CDH2: variants seen among roughly 807,000 people sequenced by gnomAD.
CDH2 encodes the protein cadherin 2, also known as cadherin-2.
CDH2 carries 17 observed loss-of-function variants against 92.0 expected under a neutral mutation model. The ratio of observed to expected loss-of-function variants is 0.18; its 90% CI spans 0.13 to 0.28. The LOEUF is 0.28. CDH2 is among the 10% of genes least tolerant of loss of function. The pLI, the probability that CDH2 is intolerant of heterozygous loss-of-function variation, is 1.00. For synonymous variants in CDH2, 419 were observed against 415.9 expected (o/e 1.01, Z -0.09); for missense variants, 862 against 1,133.1 (o/e 0.76, Z 3.44).
intron 1 of CDH2, among the ~76,000 whole-genome samples, chr18:28,158,668 A>G (rs2016259012): frequency 6.6e-6 from 1 of 152,224 alleles, no homozygotes; most frequent in Non-Finnish European, 1.5e-5. Flanking sequence ...CAGGGAATCT[A>G]CAAAATCAAA....
chr18:28,075,054 A>G, intron 2 of CDH2, among the ~76,000 whole-genome samples: 1 of 152,130 alleles, frequency 6.6e-6, no homozygotes, highest in East Asian at 1.9e-4. Flanking sequence ...AGAGTATCCT[A>G]TTAATAGAGT....
intron 2 of CDH2, among the ~76,000 whole-genome samples, chr18:28,093,308 A>G (rs151097886): frequency 2.6e-5 from 4 of 152,288 alleles, no homozygotes; most frequent in African/African-American, 9.6e-5. Flanking sequence ...GATAAATAAA[A>G]ACAAAGCCCA....
intron 2 of CDH2, among the ~76,000 whole-genome samples, chr18:28,130,686 TGG>T (rs946295497): frequency 2.0e-4 from 30 of 152,184 alleles, no homozygotes; most frequent in African/African-American, 6.0e-4. Context: ...GGAGAGGATT[TGG>T]GCTCTGTCCC....
intron 2 of CDH2, among the ~76,000 whole-genome samples, chr18:28,091,453 T>C (rs1019932040): frequency 6.6e-6 from 1 of 152,238 alleles, no homozygotes; most frequent in Non-Finnish European, 1.5e-5. Context: ...ATTCTCTCTG[T>C]ATGTTTTTGT....
chr18:28,029,270 T>A (rs1348293702), intron 2 of CDH2, among the ~76,000 whole-genome samples: 1 of 152,154 alleles, frequency 6.6e-6, no homozygotes, highest in Non-Finnish European at 1.5e-5. Context: ...ACTTTTAATG[T>A]AGTAACATAA....
chr18:27,958,548 C>T (rs905924866), intron 15 of CDH2, among the ~76,000 whole-genome samples: 11 of 147,478 alleles, frequency 7.5e-5, no homozygotes, highest in African/African-American at 1.7e-4. Context: ...TATATAAATA[C>T]GTGTATATTT....
chr18:28,005,946 G>A lies in CDH2; in HGVS notation c.750C>T (p.Pro250=), dbSNP rs1218378332. 2 of 1,611,172 alleles carry A rather than the reference G, an allele frequency of 1.2e-6. No homozygotes were observed. Among genetic ancestry groups the A allele is most frequent in the Non-Finnish European group, 8.5e-7 (1 of 1,177,418 alleles). The change falls in exon 6 of 16, where the codon CCC becomes CCT. Residue 250 remains proline (P), a synonymous_variant. Transcript: ENST00000269141. ...CAATAACATTGATGACAATGTCAAT[G>A]GGGTTCTCCACTTGATTTCCATTAA... ...VDINGNQVEN[P]IDIVINVIDM...
intron 2 of CDH2, among the ~76,000 whole-genome samples, chr18:28,017,917 C>A (rs1171820640): frequency 6.6e-6 from 1 of 151,952 alleles, no homozygotes; most frequent in Non-Finnish European, 1.5e-5. Context: ...CTAGCCGGAG[C>A]AATCAGACAA....
intron 2 of CDH2, among the ~76,000 whole-genome samples, chr18:28,131,260 C>T (rs1172713726): frequency 6.6e-6 from 1 of 151,878 alleles, no homozygotes; most frequent in African/African-American, 2.4e-5. Flanking sequence ...AAACATACAA[C>T]TGCTAGGAAC....
At chr18:28,052,342 T>C (rs1466956902) in intron 2 of CDH2, among the ~76,000 whole-genome samples, 1 of 152,190 alleles carries the variant, frequency 6.6e-6, no homozygotes, top group Non-Finnish European at 1.5e-5. Flanking sequence ...AAAGGAATTA[T>C]TACTTGAATT....
chr18:28,122,583 C>T (rs899517370), intron 2 of CDH2, among the ~76,000 whole-genome samples: 2 of 152,030 alleles, frequency 1.3e-5, no homozygotes, highest in Non-Finnish European at 2.9e-5. Flanking sequence ...TGAAAAATTC[C>T]TTCCAAGTCT....
intron 1 of CDH2, among the ~76,000 whole-genome samples, chr18:28,162,531 C>G (rs1227459497): frequency 6.6e-6 from 1 of 152,108 alleles, no homozygotes; most frequent in Non-Finnish European, 1.5e-5. Flanking sequence ...CTTTGGTAGC[C>G]TATCCTGCAT....
chr18:28,011,877 G>A lies in CDH2; in HGVS notation c.515C>T (p.Ser172Phe), dbSNP rs773758651. 2 of 1,614,040 alleles carry A rather than the reference G, an allele frequency of 1.2e-6. No individual in the cohort carries two copies. Among genetic ancestry groups the A allele is most frequent in the South Asian group, 2.2e-5 (2 of 91,084 alleles). Residue 172 changes from serine (S) to phenylalanine (F), a missense_variant, in exon 4 of 16, where the codon TCC becomes TTC. Ser to Phe is a radical substitution (Grantham distance 155, BLOSUM62 -2). Transcript: ENST00000269141. ...VIPPINLPEN[S>F]RGPFPQELVR... is the part of the protein sequence containing the mutation. ...AAGCTCTTGAGGAAAAGGTCCCCTG[G>A]AGTTTTCTGGCAAGTTGATTGGAGG...
At chr18:28,021,385 G>A (rs886287868) in intron 2 of CDH2, among the ~76,000 whole-genome samples, 4 of 151,702 alleles carry the variant, frequency 2.6e-5, no homozygotes, top group Non-Finnish European at 4.4e-5. Context: ...AAGAAAATAC[G>A]CTTCCTTAGA....
chr18:28,106,473 G>GTT (rs34443556), intron 2 of CDH2, among the ~76,000 whole-genome samples: 292 of 146,646 alleles, frequency 2.0e-3, no homozygotes, highest in Admixed American at 4.5e-3. Context: ...ACTTACCAGA[G>GTT]TTTTTTTTTT....
At chr18:28,049,446 C>T (rs1385005357) in intron 2 of CDH2, among the ~76,000 whole-genome samples, 1 of 152,124 alleles carries the variant, frequency 6.6e-6, no homozygotes, top group African/African-American at 2.4e-5. Context: ...GACAAATATA[C>T]ACTGTGGTAG....
intron 1 of CDH2, among the ~76,000 whole-genome samples, chr18:28,158,825 A>C (rs994961213): frequency 6.6e-6 from 1 of 152,236 alleles, no homozygotes; most frequent in African/African-American, 2.4e-5. Flanking sequence ...CTATCTTCTT[A>C]TTAAGCCAGA....
intron 15 of CDH2, among the ~76,000 whole-genome samples, chr18:27,961,585 A>G (rs1323117900): frequency 1.3e-5 from 2 of 152,186 alleles, no homozygotes; most frequent in Admixed American, 1.3e-4. Flanking sequence ...GCTGCAGCAC[A>G]GAAAGGGAAT....
intron 2 of CDH2, among the ~76,000 whole-genome samples, chr18:28,108,875 C>T (rs1430002620): frequency 6.8e-6 from 1 of 147,026 alleles, no homozygotes; most frequent in African/African-American, 2.4e-5. Flanking sequence ...CCCTCTCTTC[C>T]CTCCTACTCT....
Sources: gnomAD v4.1 joint callset for allele counts (sites outside exome capture counted in the v4.1 genomes callset) on GRCh38, gnomAD v4.1.1 for gene constraint, MANE v1.5 for transcripts, NCBI Gene and HGNC (gene_info 2026-07-23, HGNC 2026-07-21) for gene names.